Variants in PACRG observed in about 807,000 individuals in gnomAD.
PACRG encodes parkin coregulated gene protein.
A neutral mutation model predicts 29.7 loss-of-function variants in PACRG; 29 were observed. That is an observed-to-expected ratio of 0.98 (90% CI 0.73 to 1.33). The LOEUF is 1.33. Among genes scored for constraint, PACRG ranks in the 40% most tolerant of loss-of-function variants. The pLI is 0.00. For missense variants in PACRG, 279 were observed against 316.2 expected, an observed-to-expected ratio of 0.88 and a Z score of 0.89; for synonymous variants, 116 against 118.7, an observed-to-expected ratio of 0.98 and a Z score of 0.15.
intron 4 of PACRG, among the ~76,000 whole-genome samples, chr6:163,238,709 T>C (rs561343420): frequency 6.6e-6 from 1 of 152,258 alleles, no homozygotes; most frequent in African/African-American, 2.4e-5. Flanking sequence ...ATTCTTAGAC[T>C]TTGAATAACT....
chr6:163,173,466 G>T (rs1262690199), intron 4 of PACRG, among the ~76,000 whole-genome samples: 1 of 152,178 alleles, frequency 6.6e-6, no homozygotes, highest in Non-Finnish European at 1.5e-5. Context: ...GGGTTATAAA[G>T]ATACTGCAAC....
At chr6:163,283,167 G>T (rs955472813) in intron 4 of PACRG, among the ~76,000 whole-genome samples, 2 of 152,204 alleles carry the variant, frequency 1.3e-5, no homozygotes, top group African/African-American at 4.8e-5. Context: ...TATACACTCA[G>T]TTTATAAATG....
At chr6:162,912,925 A>C (rs916985924) in intron 2 of PACRG, among the ~76,000 whole-genome samples, 1 of 125,942 alleles carries the variant, frequency 7.9e-6, no homozygotes, top group Non-Finnish European at 1.7e-5. Flanking sequence ...AAACAAACAA[A>C]AAAAAAAAAA....
chr6:163,137,748 A>C (rs547002946), intron 4 of PACRG, among the ~76,000 whole-genome samples: 55 of 152,348 alleles, frequency 3.6e-4, no homozygotes, highest in African/African-American at 1.3e-3. Context: ...GCCCTAAGAG[A>C]GACACGTTTG....
chr6:163,079,890 C>CTTTTTTTTTTTT (rs67162530), intron 3 of PACRG, among the ~76,000 whole-genome samples: 10 of 78,692 alleles, frequency 1.3e-4, no homozygotes, highest in African/African-American at 3.8e-4. Flanking sequence ...AGCAGTCATT[C>CTTTTTTTTTTTT]TTTTTTTTTT....
Position 163,302,258 on chromosome 6 carries a change from G to GT in PACRG, c.614-12558dup, listed in dbSNP as rs67109124. 8.5e-3 allele frequency among the ~76,000 whole-genome samples: 1,220 copies of GT among 142,934 alleles called. 12 individuals are homozygous for GT. The highest frequency in any genetic ancestry group is 0.027 in the African/African-American group (1,051 of 39,172). 93.8% of individuals were successfully genotyped at this position (142,934 alleles called of 152,430 possible). A position where few individuals can be genotyped will look rare whatever the true frequency, so the allele number is the denominator to read the frequency against. On this transcript the variant is annotated intron_variant, in intron 4 of 4. Coordinates refer to ENST00000366888, the MANE Select transcript of PACRG (RefSeq NM_001080379.2). ...CTCTTTTTTTTGTTTGTTTTTTTTT[G>GT]TTTTTTTTTTTGTAAGATGTGGCCA... is the stretch of plus-strand genomic sequence containing the variant.
chr6:162,778,761 C>T lies in PACRG; in HGVS notation c.157-35386C>T, dbSNP rs1021889955. On this transcript the variant is annotated intron_variant, in intron 1 of 4. Transcript: ENST00000366888. ...AAGCTCCTTAGTTCCTAATACAGAC[C>T]GGCAGGTGGAGCAGCACGCCCTGAA... Among the ~76,000 whole-genome samples the T allele has an allele frequency of 3.9e-5, 6 of 152,160 alleles. No homozygotes were observed. The East Asian group carries it at 7.7e-4, about 20-fold the overall frequency.
chr6:162,904,807 T>C (rs1032356088), intron 2 of PACRG, among the ~76,000 whole-genome samples: 2 of 152,108 alleles, frequency 1.3e-5, no homozygotes, highest in Non-Finnish European at 2.9e-5. Flanking sequence ...GAAAAAAGCT[T>C]ACAAAAGAGT....
At chr6:162,940,480 G>A (rs897074549) in intron 2 of PACRG, among the ~76,000 whole-genome samples, 1 of 152,042 alleles carries the variant, frequency 6.6e-6, no homozygotes, top group South Asian at 2.1e-4. Flanking sequence ...TTCTGTGTGT[G>A]ATGTTTTATC....
intron 4 of PACRG, among the ~76,000 whole-genome samples, chr6:163,201,054 C>T (rs905009693): frequency 2.0e-5 from 3 of 152,180 alleles, no homozygotes; most frequent in African/African-American, 7.2e-5. Context: ...TTCCTGTGCT[C>T]TGTTCACGTT....
intron 2 of PACRG, among the ~76,000 whole-genome samples, chr6:162,848,676 C>T (rs1790612196): frequency 6.6e-6 from 1 of 152,192 alleles, no homozygotes. Context: ...TGTGATTTTA[C>T]TTAGGATTCA....
intron 2 of PACRG, among the ~76,000 whole-genome samples, chr6:162,851,694 C>T (rs1246414511): frequency 6.6e-6 from 1 of 151,976 alleles, no homozygotes; most frequent in Non-Finnish European, 1.5e-5. Flanking sequence ...ATTTCACTCT[C>T]CTCTCAGAAT....
chr6:163,146,490 T>C (rs1276184732), intron 4 of PACRG, among the ~76,000 whole-genome samples: 2 of 152,268 alleles, frequency 1.3e-5, no homozygotes, highest in African/African-American at 4.8e-5. Context: ...ACTTGCCATA[T>C]GTGTAACATA....
intron 4 of PACRG, chr6:163,101,093 C>G: frequency 1.0e-6 from 1 of 980,390 alleles, no homozygotes; most frequent in Non-Finnish European, 1.2e-6. Flanking sequence ...AATTAAAAAT[C>G]ATTCTCCATT....
intron 2 of PACRG, among the ~76,000 whole-genome samples, chr6:162,985,307 C>T (rs1802792836): frequency 2.6e-5 from 4 of 151,958 alleles, no homozygotes; most frequent in Admixed American, 1.3e-4. Context: ...AAATCCTCAA[C>T]AAACTACTAG....
intron 4 of PACRG, chr6:163,191,045 A>G (rs1780188468): frequency 2.3e-6 from 1 of 435,922 alleles, no homozygotes; most frequent in Non-Finnish European, 4.6e-6. Flanking sequence ...ATTACATATT[A>G]TCATTTGAAA....
At chr6:163,027,652 C>T (rs73783976) in intron 2 of PACRG, among the ~76,000 whole-genome samples, 25,164 of 152,088 alleles carry the variant, frequency 0.17, 2,348 homozygotes, top group East Asian at 0.26. Context: ...TACAGAGGGG[C>T]CTGCCTGGCT....
intron 4 of PACRG, among the ~76,000 whole-genome samples, chr6:163,241,764 G>A (rs1238361064): frequency 2.0e-5 from 3 of 152,180 alleles, no homozygotes; most frequent in South Asian, 2.1e-4. Flanking sequence ...ACCATGAAGC[G>A]GGTGTGTAGA....
At chr6:163,304,035 A>T (rs1785103904) in intron 4 of PACRG, among the ~76,000 whole-genome samples, 1 of 150,970 alleles carries the variant, frequency 6.6e-6, no homozygotes, top group African/African-American at 2.4e-5. Context: ...AAAAAAAAAA[A>T]AAAGTAAATG....
Sources: gnomAD v4.1 joint callset for allele counts (sites outside exome capture counted in the v4.1 genomes callset) on GRCh38, gnomAD v4.1.1 for gene constraint, MANE v1.5 for transcripts, NCBI Gene and HGNC (gene_info 2026-07-23, HGNC 2026-07-21) for gene names.